The following RAB11A variants were observed in gnomAD, a reference collection of about 807,000 sequenced individuals.
The protein encoded by RAB11A is ras-related protein Rab-11A.
In RAB11A, 9 loss-of-function variants were observed where a neutral mutation model predicts 28.0. The observed-to-expected ratio is 0.32, with a 90% CI of 0.19 to 0.56. RAB11A has a LOEUF of 0.56. Ranked by LOEUF, RAB11A falls within the 20% of genes least tolerant of loss-of-function variation. RAB11A has a pLI of 0.91. For synonymous variants in RAB11A, 85 were observed against 88.2 expected (o/e 0.96, Z 0.20); for missense variants, 108 against 269.6 (o/e 0.40, Z 4.20).
chr15:65,873,553 C>CTA (rs376022036), intron 1 of RAB11A, among the ~76,000 whole-genome samples: 241 of 150,672 alleles, frequency 1.6e-3, no homozygotes, highest in South Asian at 3.1e-3. Flanking sequence ...ATATCTATAT[C>CTA]TATATATATA....
intron 4 of RAB11A, among the ~76,000 whole-genome samples, chr15:65,880,424 T>G (rs76048466): frequency 0.074 from 11,277 of 152,208 alleles, 529 homozygotes; most frequent in Non-Finnish European, 0.099. Context: ...ATCTTCTAAT[T>G]AGTACTTTGA....
chr15:65,879,873 C>T, intron 4 of RAB11A, 122 bp downstream of exon 4: 1 of 715,816 alleles, frequency 1.4e-6, no homozygotes, highest in South Asian at 2.2e-5. Context: ...GAGAGCTACT[C>T]TAGCAAAAGC....
At position 65,877,583 on chromosome 15, in the gene RAB11A, T is replaced by C. The variant is rs1214946567; in HGVS notation, c.236+56T>C. 2.6e-6 allele frequency: 4 copies of C among 1,517,602 alleles called. No homozygotes were observed. The highest frequency in any genetic ancestry group is 3.6e-6 in the Non-Finnish European group (4 of 1,118,142). The allele number at this position is 1,517,602 out of a possible 1,614,324, so 94.0% of individuals were successfully genotyped here. A position where few individuals can be genotyped will look rare whatever the true frequency, so the allele number is the denominator to read the frequency against. Reference sequence around the variant, plus strand: ...ATGGGTTGCCATCGAGTGAATTAGCTGACTTTTGGTATTGGAAAAAGAACT... The same window carrying C: ...ATGGGTTGCCATCGAGTGAATTAGCCGACTTTTGGTATTGGAAAAAGAACT... On this transcript the variant is annotated intron_variant, in intron 2 of 4. Coordinates refer to ENST00000261890, the MANE Select transcript of RAB11A (RefSeq NM_004663.5). The surrounding 1 kb of genome is among the most constrained non-coding windows in gnomAD (Gnocchi z 4.1).
chr15:65,881,911 A>T (rs1567138391), intron 4 of RAB11A, among the ~76,000 whole-genome samples: 1 of 151,036 alleles, frequency 6.6e-6, no homozygotes. Flanking sequence ...ACACAAAAAA[A>T]TTAGCCAGGC....
chr15:65,870,997 G>A (rs1250104858), intron 1 of RAB11A, among the ~76,000 whole-genome samples: 2 of 152,118 alleles, frequency 1.3e-5, no homozygotes, highest in African/African-American at 4.8e-5. Context: ...TGGGAAGGTA[G>A]CCATCAGTAG....
chr15:65,874,359 G>A (rs971697952), intron 1 of RAB11A, among the ~76,000 whole-genome samples: 1 of 151,488 alleles, frequency 6.6e-6, no homozygotes, highest in African/African-American at 2.4e-5. Context: ...CTCCTGCTTC[G>A]GCCTCCTGAG....
Position 65,879,653 on chromosome 15 carries a change from T to A in RAB11A, c.431-18T>A. 6.4e-7 allele frequency: 1 copy of A among 1,556,740 alleles called. No homozygotes were observed. The highest frequency in any genetic ancestry group is 8.8e-7 in the Non-Finnish European group (1 of 1,131,372). On this transcript the variant is annotated intron_variant, in intron 3 of 4. Transcript: ENST00000261890. ...GTTTTAAAACTTAACAAGACTGAAC[T>A]TTTGTGTCTCCCCTCAGAAAAGAAT... is the stretch of plus-strand genomic sequence containing the variant.
At position 65,885,165 on chromosome 15, in the gene RAB11A, C is replaced by T. The variant is rs1395356744; in HGVS notation, c.512-2536C>T. ...TTTTTTTTTTTTGAGACAGTGTGCT[C>T]TGTTGCCCAGGCTGGAGTGCAGTGG... is the stretch of plus-strand genomic sequence containing the variant. On this transcript the variant is annotated intron_variant, in intron 4 of 4. Transcript: ENST00000261890. Among the ~76,000 whole-genome samples, 4 of 137,312 alleles carry T rather than the reference C, an allele frequency of 2.9e-5. No individual in the cohort carries two copies. The Admixed American group carries it at 3.1e-4, about 11-fold the overall frequency. 90.1% of individuals were successfully genotyped at this position (137,312 alleles called of 152,430 possible).
chr15:65,878,388 A>C (rs1400560550), intron 3 of RAB11A, among the ~76,000 whole-genome samples: 1 of 152,202 alleles, frequency 6.6e-6, no homozygotes, highest in Non-Finnish European at 1.5e-5. Context: ...CATTGTGGCT[A>C]GTGAAAGTCT....
chr15:65,877,277 G>A lies in RAB11A; in HGVS notation c.41-55G>A. 1.4e-6 allele frequency: 2 copies of A among 1,382,596 alleles called. No individual in the cohort carries two copies. Among genetic ancestry groups the A allele is most frequent in the East Asian group, 2.4e-5 (1 of 41,784 alleles). The allele number at this position is 1,382,596 out of a possible 1,614,324, so 85.6% of individuals were successfully genotyped here. A position where few individuals can be genotyped will look rare whatever the true frequency, so the allele number is the denominator to read the frequency against. On this transcript the variant is annotated intron_variant, in intron 1 of 4. Transcript: ENST00000261890. The surrounding 1 kb of genome is among the most constrained non-coding windows in gnomAD (Gnocchi z 4.1). ...ACTTCATTCTGTTGAAAGCATAGTG[G>A]TGTTCTGAATATGTTTGCCTCATTC...
At chr15:65,883,884 A>G (rs1346268455) in intron 4 of RAB11A, among the ~76,000 whole-genome samples, 1 of 152,220 alleles carries the variant, frequency 6.6e-6, no homozygotes. Flanking sequence ...TTTCCATAAA[A>G]AAAAAGTTAG....
chr15:65,875,944 A>G (rs1006579904), intron 1 of RAB11A, among the ~76,000 whole-genome samples: 1 of 152,242 alleles, frequency 6.6e-6, no homozygotes, highest in Admixed American at 6.5e-5. Flanking sequence ...GATAAGAAGA[A>G]GTCTTAGTAG....
chr15:65,878,325 G>A (rs1443136730), intron 3 of RAB11A, among the ~76,000 whole-genome samples: 1 of 152,194 alleles, frequency 6.6e-6, no homozygotes, highest in South Asian at 2.1e-4. Context: ...AAGAATTCAC[G>A]TGTCTCTTGC....
chr15:65,869,512 T>G lies in RAB11A; in HGVS notation c.-74T>G, dbSNP rs1309368528. ...CGGCAGTTGAAGCTCGGCGCTCGGG[T>G]TACCCCTGCAGCGACGCCCCCTGGT... On this transcript the variant is annotated 5_prime_UTR_variant, in exon 1 of 5. Transcript: ENST00000261890. 1.3e-6 allele frequency: 2 copies of G among 1,564,988 alleles called. No homozygotes were observed. Among genetic ancestry groups the G allele is most frequent in the Non-Finnish European group, 1.7e-6 (2 of 1,156,032 alleles).
chr15:65,874,800 C>T (rs558788822), intron 1 of RAB11A, among the ~76,000 whole-genome samples: 1 of 151,998 alleles, frequency 6.6e-6, no homozygotes, highest in Non-Finnish European at 1.5e-5. Flanking sequence ...AATCCCAGTA[C>T]TTTGGGAGGC....
chr15:65,870,398 C>T (rs971084434), intron 1 of RAB11A, among the ~76,000 whole-genome samples: 1 of 152,236 alleles, frequency 6.6e-6, no homozygotes, highest in East Asian at 1.9e-4. Context: ...GATCGCCCAT[C>T]ACCCACTCGC....
Position 65,877,580 on chromosome 15 carries a change from A to G in RAB11A, c.236+53A>G, listed in dbSNP as rs1230605250. The G allele has an allele frequency of 2.0e-6, 3 of 1,535,506 alleles. No individual in the cohort carries two copies. The Admixed American group carries it at 5.9e-5, about 30-fold the overall frequency. The stretch of plus-strand genomic sequence containing the variant: ...GAAATGGGTTGCCATCGAGTGAATT[A>G]GCTGACTTTTGGTATTGGAAAAAGA... On this transcript the variant is annotated intron_variant, in intron 2 of 4. Coordinates refer to ENST00000261890, the MANE Select transcript of RAB11A (RefSeq NM_004663.5). The surrounding 1 kb of genome is among the most constrained non-coding windows in gnomAD (Gnocchi z 4.1).
chr15:65,885,690 T>TA, intron 4 of RAB11A, among the ~76,000 whole-genome samples: 1 of 152,198 alleles, frequency 6.6e-6, no homozygotes, highest in Non-Finnish European at 1.5e-5. Context: ...ATCATTTAGA[T>TA]TTCTCTTGTA....
chr15:65,886,587 G>A (rs142136106), intron 4 of RAB11A, among the ~76,000 whole-genome samples: 38 of 152,246 alleles, frequency 2.5e-4, no homozygotes, highest in African/African-American at 9.1e-4. Flanking sequence ...CAAAAATAAG[G>A]TACATTCTCT....
Sources: allele counts gnomAD v4.1 joint callset (sites outside exome capture counted in the v4.1 genomes callset), GRCh38; gene constraint gnomAD v4.1.1; non-coding constraint Gnocchi (gnomAD v3.1); transcripts MANE v1.5; gene names NCBI Gene and HGNC (gene_info 2026-07-23, HGNC 2026-07-21).